PRKCA: variants seen among roughly 807,000 people sequenced by gnomAD.
PRKCA encodes protein kinase C alpha.
Under a neutral mutation model 87.0 loss-of-function variants are expected in PRKCA, and 27 were observed. The observed-to-expected ratio is 0.31, with a 90% CI of 0.23 to 0.43. PRKCA has a LOEUF of 0.43. PRKCA is among the 20% of genes least tolerant of loss of function. The pLI is 1.00. For missense variants in PRKCA, 518 were observed against 852.3 expected (o/e 0.61, Z 4.88); for synonymous variants, 329 against 311.1 (o/e 1.06, Z -0.61).
intron 3 of PRKCA, among the ~76,000 whole-genome samples, chr17:66,640,135 T>G (rs1382975379): frequency 1.3e-5 from 2 of 152,174 alleles, no homozygotes; most frequent in Non-Finnish European, 2.9e-5. Context: ...CTGACTCGTT[T>G]TGTCCTTATT....
intron 2 of PRKCA, among the ~76,000 whole-genome samples, chr17:66,405,189 C>G (rs967292846): frequency 6.6e-6 from 1 of 152,154 alleles, no homozygotes; most frequent in African/African-American, 2.4e-5. Context: ...CCCAAGGTGC[C>G]GACACTGCGT....
At chr17:66,747,400 G>A (rs1463090048) in intron 13 of PRKCA, among the ~76,000 whole-genome samples, 1 of 152,192 alleles carries the variant, frequency 6.6e-6, no homozygotes, top group African/African-American at 2.4e-5. Context: ...AGTGTGCCAT[G>A]TAGAGTCTTC....
chr17:66,689,054 A>T lies in PRKCA; in HGVS notation c.918+7A>T. 6.4e-7 allele frequency: 1 copy of T among 1,563,332 alleles called. No homozygotes were observed. Among genetic ancestry groups the T allele is most frequent in the Non-Finnish European group, 8.7e-7 (1 of 1,146,388 alleles). On this transcript the variant is annotated splice_region_variant and intron_variant, in intron 8 of 16. Transcript: ENST00000413366. This position sits in a 1 kb window ranked among gnomAD's most constrained non-coding sequence, Gnocchi z 4.1. The stretch of plus-strand genomic sequence containing the variant: ...ACTCAGGCAGAAATTCGAGGTGAGG[A>T]TAACAAAATGCCCGGAAACACCTTT...
At chr17:66,396,957 CTTTTTTTTTTTTTT>C (rs35135551) in intron 2 of PRKCA, among the ~76,000 whole-genome samples, 3 of 52,138 alleles carry the variant, frequency 5.8e-5, no homozygotes, top group Admixed American at 7.5e-4. Context: ...ACAATCAAGA[CTTTTTTTTTTTTTT>C]TTTTTTTTTT....
intron 3 of PRKCA, among the ~76,000 whole-genome samples, chr17:66,558,314 C>A (rs1389894793): frequency 6.6e-6 from 1 of 152,208 alleles, no homozygotes; most frequent in East Asian, 1.9e-4. Flanking sequence ...CCAATAAATA[C>A]ATTATTTGTT....
intron 3 of PRKCA, among the ~76,000 whole-genome samples, chr17:66,609,048 GT>G (rs374697494): frequency 1.3e-5 from 2 of 152,284 alleles, no homozygotes; most frequent in African/African-American, 4.8e-5. Context: ...TAGAACTCCT[GT>G]TTCTGCCCCA....
Position 66,706,296 on chromosome 17 carries a change from A to T in PRKCA, c.918+17249A>T, listed in dbSNP as rs192361137. Among the ~76,000 whole-genome samples the T allele has an allele frequency of 1.7e-4, 26 of 151,928 alleles. No homozygotes were observed. The East Asian group carries it at 5.0e-3, about 29-fold the overall frequency. ...ATAGCGAAGGGATCAGTGAACTGTG[A>T]CCCACACCCAACCACCTGCTTTTGT... On this transcript the variant is annotated intron_variant, in intron 8 of 16. Coordinates refer to ENST00000413366, the MANE Select transcript of PRKCA (RefSeq NM_002737.3).
chr17:66,754,457 C>T (rs758953745), intron 13 of PRKCA, among the ~76,000 whole-genome samples: 10 of 152,160 alleles, frequency 6.6e-5, no homozygotes, highest in Non-Finnish European at 1.3e-4. Flanking sequence ...GGTCACCTCA[C>T]TTGAGCTTGC....
chr17:66,397,415 T>A (rs887841540), intron 2 of PRKCA, among the ~76,000 whole-genome samples: 3 of 152,036 alleles, frequency 2.0e-5, no homozygotes, highest in Admixed American at 6.5e-5. Context: ...GATTTATAAT[T>A]TTAAGGGAAT....
intron 14 of PRKCA, among the ~76,000 whole-genome samples, chr17:66,780,830 A>G (rs1164277612): frequency 6.6e-6 from 1 of 151,998 alleles, no homozygotes; most frequent in Non-Finnish European, 1.5e-5. Flanking sequence ...GCTTCAGGCC[A>G]GGCGTGGTGA....
intron 2 of PRKCA, among the ~76,000 whole-genome samples, chr17:66,450,311 A>G (rs1241570404): frequency 6.6e-6 from 1 of 152,190 alleles, no homozygotes; most frequent in Non-Finnish European, 1.5e-5. Flanking sequence ...AGAGAGACAC[A>G]GTCCCTCTTA....
At chr17:66,706,762 A>G (rs968418529) in intron 8 of PRKCA, among the ~76,000 whole-genome samples, 1 of 152,196 alleles carries the variant, frequency 6.6e-6, no homozygotes, top group Non-Finnish European at 1.5e-5. Context: ...TATTAACACA[A>G]CTACATTCAT....
chr17:66,323,967 A>G (rs11867573), intron 2 of PRKCA, among the ~76,000 whole-genome samples: 89,539 of 151,924 alleles, frequency 0.59, 26,462 homozygotes, highest in South Asian at 0.64. Context: ...TCAAATCGTT[A>G]TAGCCATTTA....
At chr17:66,339,797 A>G (rs1217304487) in intron 2 of PRKCA, 1 of 152,184 alleles carries the variant, frequency 6.6e-6, no homozygotes, top group East Asian at 1.9e-4. Flanking sequence ...CCAGTTGCCG[A>G]GCAAACAGTG....
intron 3 of PRKCA, among the ~76,000 whole-genome samples, chr17:66,529,547 G>A (rs7213727): frequency 0.043 from 6,532 of 152,192 alleles, 435 homozygotes; most frequent in African/African-American, 0.15. Flanking sequence ...AGCTCTTCCT[G>A]GGGTCACCTG....
At chr17:66,741,510 G>C (rs61761470) in intron 11 of PRKCA, 149 bp from the exon 12 acceptor site, 1 of 697,258 alleles carries the variant, frequency 1.4e-6, no homozygotes, top group Non-Finnish European at 2.4e-6. Flanking sequence ...ATGGAGGGAG[G>C]ACCGGGGGTT....
At chr17:66,760,883 A>C (rs1218836609) in intron 13 of PRKCA, among the ~76,000 whole-genome samples, 1 of 152,206 alleles carries the variant, frequency 6.6e-6, no homozygotes, top group Non-Finnish European at 1.5e-5. Flanking sequence ...CACTGCTTTC[A>C]TTTGATCCTC....
chr17:66,328,584 G>A (rs867753209), intron 2 of PRKCA, among the ~76,000 whole-genome samples: 2 of 152,058 alleles, frequency 1.3e-5, no homozygotes, highest in South Asian at 4.1e-4. Context: ...GATCACTTGA[G>A]GTCAGGAGTT....
At chr17:66,419,206 A>G (rs1912350587) in intron 2 of PRKCA, among the ~76,000 whole-genome samples, 1 of 152,210 alleles carries the variant, frequency 6.6e-6, no homozygotes, top group South Asian at 2.1e-4. Flanking sequence ...TTAGGCAGTC[A>G]TGTGCTCAAC....
Sources: allele counts gnomAD v4.1 joint callset (sites outside exome capture counted in the v4.1 genomes callset), GRCh38; gene constraint gnomAD v4.1.1; non-coding constraint Gnocchi (gnomAD v3.1); transcripts MANE v1.5; gene names NCBI Gene and HGNC (gene_info 2026-07-23, HGNC 2026-07-21).